The following LPP variants were observed in gnomAD, a reference collection of about 807,000 sequenced individuals.
The protein encoded by LPP is lipoma-preferred partner.
In LPP, 38 loss-of-function variants were observed where a neutral mutation model predicts 60.4. The observed-to-expected ratio is 0.63, with a 90% CI of 0.49 to 0.83. The LOEUF (loss-of-function observed/expected upper bound fraction) is 0.83, where lower values mean the gene tolerates loss of function less well. Ranked by LOEUF, LPP falls within the 40% of genes least tolerant of loss-of-function variation. The pLI, the probability that LPP is intolerant of heterozygous loss-of-function variation, is 0.00. For synonymous variants in LPP, 328 were observed against 290.8 expected (o/e 1.13, Z -1.30); for missense variants, 902 against 783.6 (o/e 1.15, Z -1.80).
chr3:188,475,377 T>A (rs1307928166), intron 4 of LPP, among the ~76,000 whole-genome samples: 1 of 152,224 alleles, frequency 6.6e-6, no homozygotes, highest in Non-Finnish European at 1.5e-5. Flanking sequence ...AACGCTGGGT[T>A]TGAGTAGATT....
chr3:188,747,588 T>A lies in LPP; in HGVS notation c.1241-12525T>A, dbSNP rs146538868. Among the ~76,000 whole-genome samples, 66 of 152,330 alleles carry A rather than the reference T, an allele frequency of 4.3e-4. No homozygotes were observed. In the East Asian group the frequency reaches 4.8e-3, roughly 11 times the overall value. On this transcript the variant is annotated intron_variant, in intron 8 of 11. Coordinates refer to ENST00000617246, the MANE Select transcript of LPP (RefSeq NM_001375462.1). The stretch of plus-strand genomic sequence containing the variant: ...TTATCCCAAACATTCTGGTAAGTGA[T>A]AGCAGATGACTGTGCAAGCTTCTAT...
intron 7 of LPP, among the ~76,000 whole-genome samples, chr3:188,687,035 C>T (rs899455949): frequency 1.3e-5 from 2 of 152,208 alleles, no homozygotes; most frequent in African/African-American, 2.4e-5. Flanking sequence ...CAATGTCAGG[C>T]TGTCTGAAAG....
intron 7 of LPP, among the ~76,000 whole-genome samples, chr3:188,701,393 CT>C (rs1864376250): frequency 6.6e-6 from 1 of 152,012 alleles, no homozygotes; most frequent in Non-Finnish European, 1.5e-5. Flanking sequence ...AAAAAAAAAT[CT>C]TTATTTTAAG....
chr3:188,549,730 C>T lies in LPP; in HGVS notation c.429+24943C>T, dbSNP rs73054780. ...AGAGGTCTCCACTACCACTCATTTC[C>T]CTCTTCACATGGCAATGGAACTTTT... is the stretch of plus-strand genomic sequence containing the variant. On this transcript the variant is annotated intron_variant, in intron 6 of 11. Transcript: ENST00000617246. 4.7e-3 allele frequency among the ~76,000 whole-genome samples: 721 copies of T among 152,246 alleles called. 8 individuals are homozygous for T. Among genetic ancestry groups the T allele is most frequent in the African/African-American group, 0.016 (683 of 41,532 alleles).
intron 9 of LPP, among the ~76,000 whole-genome samples, chr3:188,826,204 C>A (rs1755437860): frequency 6.6e-6 from 1 of 152,156 alleles, no homozygotes; most frequent in Admixed American, 6.6e-5. Flanking sequence ...GAAAGAGAAG[C>A]CTACGCTTTC....
chr3:188,248,468 T>TTA (rs55811112), intron 2 of LPP, among the ~76,000 whole-genome samples: 10,464 of 83,992 alleles, frequency 0.12, 1,122 homozygotes, highest in African/African-American at 0.17. Flanking sequence ...CAGTATAACT[T>TTA]TATATATATA....
At chr3:188,469,242 A>G (rs1287176205) in intron 4 of LPP, among the ~76,000 whole-genome samples, 1 of 152,132 alleles carries the variant, frequency 6.6e-6, no homozygotes, top group Non-Finnish European at 1.5e-5. Flanking sequence ...ACCTTTGCAG[A>G]TGTGGGACTG....
chr3:188,396,819 G>A (rs1318226096), intron 3 of LPP, among the ~76,000 whole-genome samples: 1 of 150,680 alleles, frequency 6.6e-6, no homozygotes, highest in Non-Finnish European at 1.5e-5. Flanking sequence ...CTGCTAAGGA[G>A]CCCGTTTTTT....
At chr3:188,462,594 G>GTA (rs1799371494) in intron 4 of LPP, among the ~76,000 whole-genome samples, 2 of 8,972 alleles carry the variant, frequency 2.2e-4, no homozygotes, top group Admixed American at 1.6e-3. Flanking sequence ...ATGCATGTGT[G>GTA]TGTGTGTGTG....
intron 9 of LPP, among the ~76,000 whole-genome samples, chr3:188,794,349 A>G (rs1250384837): frequency 1.3e-5 from 2 of 152,210 alleles, no homozygotes; most frequent in African/African-American, 2.4e-5. Context: ...TTAATGGCTC[A>G]TTTGTAGGGA....
chr3:188,724,372 T>C (rs144607630), intron 8 of LPP, among the ~76,000 whole-genome samples: 130 of 152,344 alleles, frequency 8.5e-4, no homozygotes, highest in African/African-American at 2.9e-3. Context: ...ATGACTTTTC[T>C]GGTAAATCCT....
chr3:188,453,145 T>G (rs1380715056), intron 4 of LPP, among the ~76,000 whole-genome samples: 1 of 152,122 alleles, frequency 6.6e-6, no homozygotes, highest in African/African-American at 2.4e-5. Flanking sequence ...TCTTTCTTTC[T>G]TCCTTCCTTA....
chr3:188,452,511 T>TA (rs1236817085), intron 4 of LPP, among the ~76,000 whole-genome samples: 1 of 152,208 alleles, frequency 6.6e-6, no homozygotes, highest in Non-Finnish European at 1.5e-5. Context: ...TGAGGGATGA[T>TA]AGAGTCCTCT....
intron 9 of LPP, among the ~76,000 whole-genome samples, chr3:188,798,199 C>T (rs1446213980): frequency 2.6e-5 from 4 of 152,118 alleles, no homozygotes; most frequent in Non-Finnish European, 4.4e-5. Context: ...TCCTATGAAA[C>T]GGGCAATCTG....
intron 2 of LPP, among the ~76,000 whole-genome samples, chr3:188,253,943 T>A (rs2149606623): frequency 6.6e-6 from 1 of 152,314 alleles, no homozygotes; most frequent in South Asian, 2.1e-4. Context: ...TGCCCATGTT[T>A]CACTGCTTGT....
intron 2 of LPP, among the ~76,000 whole-genome samples, chr3:188,289,987 A>G (rs1374376915): frequency 1.3e-5 from 2 of 150,642 alleles, no homozygotes; most frequent in African/African-American, 4.9e-5. Flanking sequence ...GTGCTCATAA[A>G]CATGCAGGGT....
In LPP at chr3:188,884,392, G is replaced by T. The variant is rs1770423206; in HGVS notation, c.*9913G>T. On this transcript the variant is annotated 3_prime_UTR_variant, in exon 12 of 12. Transcript: ENST00000617246. ...ATCCAGGGAAATTCAGAGACCAATT[G>T]ACTGCCAGGTGGCAAATCCACATGT... 1.3e-5 allele frequency: 3 copies of T among 230,302 alleles called. No homozygotes were observed. Among genetic ancestry groups the T allele is most frequent in the Non-Finnish European group, 2.6e-5 (3 of 116,362 alleles). 14.3% of individuals were successfully genotyped at this position (230,302 alleles called of 1,614,324 possible).
intron 3 of LPP, among the ~76,000 whole-genome samples, chr3:188,375,598 T>C (rs1022935616): frequency 6.6e-6 from 1 of 152,208 alleles, no homozygotes; most frequent in Non-Finnish European, 1.5e-5. Context: ...TCTTCTCTTT[T>C]CTTCTTTATT....
chr3:188,825,247 T>TTCTCTC (rs61381257), intron 9 of LPP, among the ~76,000 whole-genome samples: 1,409 of 118,302 alleles, frequency 0.012, 28 homozygotes, highest in African/African-American at 0.023. Context: ...CAGCCTTTCT[T>TTCTCTC]TCTCTCTCTC....
Sources: gnomAD v4.1 joint callset for allele counts (sites outside exome capture counted in the v4.1 genomes callset) on GRCh38, gnomAD v4.1.1 for gene constraint, MANE v1.5 for transcripts, NCBI Gene and HGNC (gene_info 2026-07-23, HGNC 2026-07-21) for gene names.